The following THOC1 variants were observed in gnomAD, a reference collection of about 807,000 sequenced individuals.
THOC1 encodes THO complex subunit 1, also known as THO complex 1.
In THOC1, 29 loss-of-function variants were observed where a neutral mutation model predicts 97.3. The ratio of observed to expected loss-of-function variants is 0.30; its 90% CI spans 0.22 to 0.41. The LOEUF (loss-of-function observed/expected upper bound fraction) is 0.41, where lower values mean the gene tolerates loss of function less well. Among genes scored for constraint, THOC1 ranks in the 10% least tolerant of loss-of-function variants. The pLI, the probability that THOC1 is intolerant of heterozygous loss-of-function variation, is 1.00. For synonymous variants in THOC1, 255 were observed against 257.0 expected, an observed-to-expected ratio of 0.99 and a Z score of 0.07; for missense variants, 529 against 761.9, an observed-to-expected ratio of 0.69 and a Z score of 3.60.
chr18:258,809 T>C (rs484168), intron 7 of THOC1, among the ~76,000 whole-genome samples: 25,004 of 152,066 alleles, frequency 0.16, 2,371 homozygotes, highest in Non-Finnish European at 0.23. Flanking sequence ...CAATAAAAAT[T>C]TGTTAAAAAA....
chr18:237,958 C>T (rs532792007), intron 11 of THOC1, among the ~76,000 whole-genome samples: 1 of 152,104 alleles, frequency 6.6e-6, no homozygotes, highest in African/African-American at 2.4e-5. Flanking sequence ...CCTCTGCCTC[C>T]CAGGTTCAAT....
intron 1 of THOC1, among the ~76,000 whole-genome samples, chr18:266,830 C>T (rs542192986): frequency 1.8e-4 from 28 of 152,292 alleles, no homozygotes; most frequent in African/African-American, 6.3e-4. Context: ...AGCCACTGCG[C>T]CCGGCCGCCA....
intron 9 of THOC1, among the ~76,000 whole-genome samples, chr18:249,543 T>A (rs1381859191): frequency 2.0e-5 from 3 of 151,864 alleles, no homozygotes; most frequent in Non-Finnish European, 4.4e-5. Context: ...GTGCTTGTAG[T>A]CCCAGCTACT....
At position 221,713 on chromosome 18, in the gene THOC1, A is replaced by G. The variant is rs1004342779; in HGVS notation, c.1370+1727T>C. Among the ~76,000 whole-genome samples the G allele has an allele frequency of 4.8e-5, 7 of 144,818 alleles. No homozygotes were observed. In the South Asian group the frequency reaches 8.8e-4, roughly 18 times the overall value. On this transcript the variant is annotated intron_variant, in intron 17 of 20. Coordinates refer to ENST00000261600, the MANE Select transcript of THOC1 (RefSeq NM_005131.3). ...AAGCTCCGCCTCCCAGGTTCACGCC[A>G]TTCTCCTGCCTCAGCCTCCCAAGTA...
At chr18:231,725 T>A (rs1911491765) in intron 11 of THOC1, among the ~76,000 whole-genome samples, 1 of 152,182 alleles carries the variant, frequency 6.6e-6, no homozygotes, top group Admixed American at 6.5e-5. Context: ...TTTCCCTCCC[T>A]CCCTCTACTA....
chr18:216,646 G>T lies in THOC1; in HGVS notation c.1455-13C>A, dbSNP rs1367010929. The T allele has an allele frequency of 1.1e-5, 17 of 1,606,678 alleles. No homozygotes were observed. The highest frequency in any genetic ancestry group is 1.4e-5 in the Non-Finnish European group (17 of 1,176,586). ...ATTGTTCACAGCCCTATAAAAAGAG[G>T]TGTCAGGCTTGTAATTTATAGCTTT... is the stretch of plus-strand genomic sequence containing the variant. On this transcript the variant is annotated splice_polypyrimidine_tract_variant and intron_variant, in intron 18 of 20. Coordinates refer to ENST00000261600, the MANE Select transcript of THOC1 (RefSeq NM_005131.3).
intron 7 of THOC1, among the ~76,000 whole-genome samples, chr18:258,845 G>C (rs1912515311): frequency 6.6e-6 from 1 of 152,044 alleles, no homozygotes. Flanking sequence ...AGTCTATATA[G>C]CTAAATAGTT....
At chr18:217,558 TGTGGAGA>T (rs1910935596) in intron 18 of THOC1, among the ~76,000 whole-genome samples, 1 of 152,334 alleles carries the variant, frequency 6.6e-6, no homozygotes, top group East Asian at 1.9e-4. Flanking sequence ...ACTCAGTAGC[TGTGGAGA>T]GTACCTGAGG....
At chr18:267,564 C>G (rs1323540274) in intron 1 of THOC1, among the ~76,000 whole-genome samples, 1 of 152,216 alleles carries the variant, frequency 6.6e-6, no homozygotes, top group East Asian at 1.9e-4. Context: ...GCTCAGAAGG[C>G]TAGGGCGGGA....
chr18:248,092 T>C, intron 9 of THOC1, 135 bp from the exon 10 acceptor site: 1 of 594,492 alleles, frequency 1.7e-6, no homozygotes, highest in Non-Finnish European at 2.8e-6. Flanking sequence ...CATTCACAAA[T>C]GCTTATATAA....
In THOC1 at chr18:259,944, A is replaced by T. The variant is rs147050390; in HGVS notation, c.376-214T>A. 473 of 524,844 alleles carry T rather than the reference A, an allele frequency of 9.0e-4. 2 individuals carry two copies. The East Asian group carries it at 0.013, about 15-fold the overall frequency. The allele number at this position is 524,844 out of a possible 1,614,324, so 32.5% of individuals were successfully genotyped here. ...ACTAAGTAACTGTTTTAAACATGTG[A>T]AAGTGTGAATTTTCAAGTTAATTTT... On this transcript the variant is annotated intron_variant, in intron 5 of 20. Transcript: ENST00000261600.
intron 11 of THOC1, among the ~76,000 whole-genome samples, chr18:236,551 G>C (rs886131887): frequency 9.4e-4 from 143 of 151,338 alleles, no homozygotes; most frequent in Middle Eastern, 3.4e-3. Context: ...TTTTAGTAGA[G>C]ACAGGGTTTC....
chr18:236,743 G>A (rs1460758557), intron 11 of THOC1, among the ~76,000 whole-genome samples: 1 of 152,078 alleles, frequency 6.6e-6, no homozygotes, highest in Non-Finnish European at 1.5e-5. Context: ...TGGCAATTTG[G>A]TACATGGGAC....
chr18:243,158 G>A (rs1288416344), intron 11 of THOC1, among the ~76,000 whole-genome samples: 1 of 152,100 alleles, frequency 6.6e-6, no homozygotes, highest in Non-Finnish European at 1.5e-5. Context: ...TAAGTTTTAA[G>A]CTTCTCAAAG....
At chr18:215,890 G>T in intron 19 of THOC1, 1 of 199,306 alleles carries the variant, frequency 5.0e-6, no homozygotes, top group Non-Finnish European at 1.0e-5. Context: ...ACAATATAAT[G>T]CATTGGCAAA....
chr18:246,752 G>A (rs1912103424), intron 10 of THOC1, among the ~76,000 whole-genome samples: 2 of 151,820 alleles, frequency 1.3e-5, no homozygotes, highest in South Asian at 2.1e-4. Flanking sequence ...GGAGGGGGGC[G>A]GGTAACTTGA....
intron 17 of THOC1, among the ~76,000 whole-genome samples, chr18:221,186 G>C (rs1340463677): frequency 1.3e-5 from 2 of 152,096 alleles, no homozygotes; most frequent in Non-Finnish European, 2.9e-5. Flanking sequence ...TGTGGTTTCT[G>C]TAAGACCAAG....
In THOC1 at chr18:265,357, A is replaced by G; in HGVS notation, c.135T>C (p.Asn45=). The part of the protein sequence containing the change: ...STFSQVPGSE[N]EKKCTLDQAF... ...CTTGGTCAAGGGTACATTTTTTTTC[A>G]TTTTCACTATTAAAAACAAAAGACA... is the stretch of plus-strand genomic sequence containing the variant. The change falls in exon 3 of 21, where the codon AAT becomes AAC. Residue 45 remains asparagine, a synonymous_variant. Transcript: ENST00000261600. 2 of 1,603,034 alleles carry G rather than the reference A, an allele frequency of 1.2e-6. No homozygotes were observed. Among genetic ancestry groups the G allele is most frequent in the Non-Finnish European group, 1.7e-6 (2 of 1,176,050 alleles).
intron 3 of THOC1, 98 bp from the exon 4 acceptor site, chr18:264,190 A>T: frequency 2.6e-6 from 2 of 756,172 alleles, no homozygotes; most frequent in Non-Finnish European, 4.3e-6. Context: ...ATTGACTATC[A>T]GAAATATGGA....
Sources: gnomAD v4.1 joint callset for allele counts (sites outside exome capture counted in the v4.1 genomes callset) on GRCh38, gnomAD v4.1.1 for gene constraint, MANE v1.5 for transcripts, NCBI Gene and HGNC (gene_info 2026-07-23, HGNC 2026-07-21) for gene names.